Variants in POLD1 observed in about 807,000 individuals in gnomAD.
The protein encoded by POLD1 is DNA polymerase delta 1, catalytic subunit, also known as DNA polymerase delta catalytic subunit.
In POLD1, 79 loss-of-function variants were observed where a neutral mutation model predicts 129.7. The ratio of observed to expected loss-of-function variants is 0.61; its 90% CI spans 0.51 to 0.73. POLD1 has a LOEUF of 0.73. POLD1 is among the 30% of genes least tolerant of loss of function. The pLI, the probability that POLD1 is intolerant of heterozygous loss-of-function variation, is 0.00. For synonymous variants in POLD1, 714 were observed against 683.3 expected, an observed-to-expected ratio of 1.04 and a Z score of -0.70; for missense variants, 1,338 against 1,595.8, an observed-to-expected ratio of 0.84 and a Z score of 2.75.
intron 17 of POLD1, among the ~76,000 whole-genome samples, chr19:50,412,678 A>G (rs980951509): frequency 9.9e-5 from 15 of 151,866 alleles, no homozygotes; most frequent in Non-Finnish European, 1.9e-4. Flanking sequence ...AATCACACCC[A>G]TCTCTCCTTG....
At chr19:50,391,009 C>G (rs2123729429) in intron 1 of POLD1, among the ~76,000 whole-genome samples, 1 of 152,264 alleles carries the variant, frequency 6.6e-6, no homozygotes, top group East Asian at 1.9e-4. Context: ...ATCTCTCTTT[C>G]CTTTCCCATT....
chr19:50,402,831 A>G, intron 8 of POLD1, 90 bp downstream of exon 8: 2 of 1,506,012 alleles, frequency 1.3e-6, no homozygotes, highest in Non-Finnish European at 1.8e-6. Flanking sequence ...AATGGCAAGC[A>G]TGAAGGTGCC....
Position 50,406,656 on chromosome 19 carries a change from G to A in POLD1, c.1494+139G>A, listed in dbSNP as rs3219394. 4.4e-6 allele frequency: 3 copies of A among 687,828 alleles called. No homozygotes were observed. Among genetic ancestry groups the A allele is most frequent in the East Asian group, 5.4e-5 (2 of 36,810 alleles). The allele number at this position is 687,828 out of a possible 1,614,324, so 42.6% of individuals were successfully genotyped here. On this transcript the variant is annotated intron_variant, in intron 12 of 26. Coordinates refer to ENST00000440232, the MANE Select transcript of POLD1 (RefSeq NM_002691.4). The surrounding 1 kb of genome is among the most constrained non-coding windows in gnomAD (Gnocchi z 5.5). ...GTTATGACCTGTGACCTTACCTGAC[G>A]CCCACTTTTTCCTGACCTCTGACCC... is the stretch of plus-strand genomic sequence containing the variant.
rs3218768 is a variant in POLD1, at chr19:50,398,884, C to T, written c.33C>T (p.Pro11=). 1.2e-3 allele frequency: 1,851 copies of T among 1,607,326 alleles called. 40 individuals carry two copies. The East Asian group carries it at 0.037, about 32-fold the overall frequency. Residue 11 remains proline, a synonymous_variant, in exon 2 of 27, where the codon CCC becomes CCT. Transcript: ENST00000440232. ...GCAAGCGGCGGCCAGGCCCAGGGCCCGGGGTGCCCCCAAAGCGGGCCCGTG... is the reference window on the plus strand; with the variant it reads ...GCAAGCGGCGGCCAGGCCCAGGGCCTGGGGTGCCCCCAAAGCGGGCCCGTG... MDGKRRPGPG[P]GVPPKRARGG...
At chr19:50,408,706 G>A in intron 14 of POLD1, 79 bp from the exon 15 acceptor site, 1 of 1,554,944 alleles carries the variant, frequency 6.4e-7, no homozygotes, top group African/African-American at 1.4e-5. Context: ...TTTTTTTAAA[G>A]GGTGAGGCCA....
intron 2 of POLD1, 41 bp downstream of exon 2, chr19:50,399,094 G>C: frequency 6.5e-7 from 1 of 1,550,306 alleles, no homozygotes; most frequent in Non-Finnish European, 8.7e-7. Context: ...CCAACCCATT[G>C]CCCCTGGTCT....
rs55762583 is a variant in POLD1, at chr19:50,388,696, C to T, written c.-2+4306C>T. Among the ~76,000 whole-genome samples, 1,356 of 150,812 alleles carry T rather than the reference C, an allele frequency of 9.0e-3. 20 individuals are homozygous for T. The highest frequency in any genetic ancestry group is 0.031 in the African/African-American group (1,246 of 40,114). On this transcript the variant is annotated intron_variant, in intron 1 of 26. Transcript: ENST00000440232. ...CTAGATTCACTGGCTGTTGGCATGA[C>T]ACCTCATTTGCTTTATGCTTTATCC...
chr19:50,399,344 C>T (rs1444075635), intron 2 of POLD1, 27 bp from the exon 3 acceptor site: 1 of 1,555,348 alleles, frequency 6.4e-7, no homozygotes, highest in Admixed American at 1.7e-5. Flanking sequence ...ACTCCATGTA[C>T]TCCACTTCCT....
Position 50,401,831 on chromosome 19 carries a change from G to A in POLD1, c.370G>A (p.Val124Met), listed in dbSNP as rs2122233080. ...CCCACCATCCCGCGGCTCCGTGCCT[G>A]TGCTCCGCGCCTTCGGGGTCACCGA... The part of the protein sequence containing the change: ...GPPPSRGSVP[V>M]LRAFGVTDEG... Residue 124 changes from valine to methionine, a missense_variant, in exon 4 of 27, where the codon GTG becomes ATG. Val to Met is a conservative substitution (Grantham distance 21, BLOSUM62 1). Transcript: ENST00000440232. The A allele has an allele frequency of 6.2e-7, 1 of 1,613,824 alleles. No homozygotes were observed. Among genetic ancestry groups the A allele is most frequent in the East Asian group, 2.2e-5 (1 of 44,862 alleles).
rs1210212980 is a variant in POLD1 at position 50,403,508 on chromosome 19, A to G, written c.1153A>G (p.Ile385Val). The stretch of plus-strand genomic sequence containing the variant: ...CCACCCCCAGGCCTGGTCCACCTTC[A>G]TCCGTATCATGGACCCCGACGTGAT... ...EDLLQAWSTF[I>V]RIMDPDVITG... The change falls in exon 10 of 27, where the codon ATC (isoleucine) becomes GTC (valine). Residue 385 changes from isoleucine to valine, a missense_variant. This residue lies in a region of POLD1 where 720 missense variants were observed against 1,002.6 expected (regional missense o/e 0.72). Coordinates refer to ENST00000440232, the MANE Select transcript of POLD1 (RefSeq NM_002691.4). 6.2e-7 allele frequency: 1 copy of G among 1,613,352 alleles called. No homozygotes were observed. The highest frequency in any genetic ancestry group is 1.3e-5 in the African/African-American group (1 of 74,854).
rs1314532835 is a variant in POLD1 at position 50,398,837 on chromosome 19, A to G, written c.-1-14A>G. 4 of 1,607,302 alleles carry G rather than the reference A, an allele frequency of 2.5e-6. No individual in the cohort carries two copies. In the South Asian group the frequency reaches 4.4e-5, roughly 18 times the overall value. On this transcript the variant is annotated splice_polypyrimidine_tract_variant and intron_variant, in intron 1 of 26. Coordinates refer to ENST00000440232, the MANE Select transcript of POLD1 (RefSeq NM_002691.4). ...CCGGTCAGAACCTCCACCAAGCTCCAACTTGCCCAGCAGGATGGATGGCAA... is the reference window on the plus strand; with the variant it reads ...CCGGTCAGAACCTCCACCAAGCTCCGACTTGCCCAGCAGGATGGATGGCAA...
chr19:50,407,480 CT>C (rs1161464699), intron 14 of POLD1, 65 bp downstream of exon 14: 6 of 1,121,456 alleles, frequency 5.4e-6, no homozygotes, highest in Non-Finnish European at 7.6e-6. Flanking sequence ...GGGAGGATCA[CT>C]TGAGCTCAGG....
At chr19:50,404,567 T>C (rs2038796817) in intron 10 of POLD1, among the ~76,000 whole-genome samples, 1 of 132,816 alleles carries the variant, frequency 7.5e-6, no homozygotes, top group African/African-American at 3.1e-5. Context: ...CAACCCCTTT[T>C]CTCTTTCTTT....
intron 1 of POLD1, among the ~76,000 whole-genome samples, chr19:50,389,714 AT>A (rs1444985600): frequency 4.1e-5 from 6 of 147,700 alleles, no homozygotes; most frequent in Non-Finnish European, 9.0e-5. Context: ...AGCCTCCCGA[AT>A]AGCTGGAATT....
chr19:50,407,513 A>G, intron 14 of POLD1, 98 bp downstream of exon 14: 1 of 592,444 alleles, frequency 1.7e-6, no homozygotes, highest in Non-Finnish European at 2.8e-6. Context: ...AGCCAGGGCA[A>G]CATAGCGAGG....
In POLD1 at chr19:50,413,804, G is replaced by A. The variant is rs1039275305; in HGVS notation, c.2313G>A (p.Ala771=). Residue 771 remains alanine, a synonymous_variant, in exon 19 of 27, where the codon GCG becomes GCA. Transcript: ENST00000440232. ...CRFGVSSVAE[A]MALGREAADW... ...TCGGCGTGTCCTCGGTGGCTGAGGC[G>A]ATGGCCCTGGGGCGGGAGGCCGCGG... 9 of 1,612,606 alleles carry A rather than the reference G, an allele frequency of 5.6e-6. No individual in the cohort carries two copies. Among genetic ancestry groups the A allele is most frequent in the Middle Eastern group, 1.7e-4 (1 of 6,052 alleles).
In POLD1 at chr19:50,404,609, CGCT is replaced by C. The variant is rs1299460008; in HGVS notation, c.1242+1014_1242+1016del. Among the ~76,000 whole-genome samples, 7 of 119,104 alleles carry C rather than the reference CGCT, an allele frequency of 5.9e-5. No individual in the cohort carries two copies. The Admixed American group carries it at 6.8e-4, about 12-fold the overall frequency. 78.1% of individuals were successfully genotyped at this position (119,104 alleles called of 152,430 possible). The stretch of plus-strand genomic sequence containing the variant: ...TTTTTTTTTTTTTGAGACAGAGTCT[CGCT>C]GTGTCGCCCAGGCTGGAGTGCGATG... On this transcript the variant is annotated intron_variant, in intron 10 of 26. Transcript: ENST00000440232.
chr19:50,407,198 G>A lies in POLD1; in HGVS notation c.1686+24G>A, dbSNP rs778696714. ...AGGTCAGTAGCCGAGACTTGTCCTC[G>A]CCACCCCCCACCAGGCACGTCTGTG... On this transcript the variant is annotated intron_variant, in intron 13 of 26. Coordinates refer to ENST00000440232, the MANE Select transcript of POLD1 (RefSeq NM_002691.4). 20 of 1,585,082 alleles carry A rather than the reference G, an allele frequency of 1.3e-5. 1 individual carries two copies. The highest frequency in any genetic ancestry group is 4.0e-5 in the African/African-American group (3 of 74,302).
At chr19:50,398,438 G>A (rs1432412283) in intron 1 of POLD1, among the ~76,000 whole-genome samples, 1 of 151,938 alleles carries the variant, frequency 6.6e-6, no homozygotes, top group Non-Finnish European at 1.5e-5. Flanking sequence ...TGGGTGTGGT[G>A]GTGGGCGCCT....
Sources: allele counts gnomAD v4.1 joint callset (sites outside exome capture counted in the v4.1 genomes callset), GRCh38; gene constraint gnomAD v4.1.1; regional missense constraint gnomAD v4.1.1; non-coding constraint Gnocchi (gnomAD v3.1); transcripts MANE v1.5; gene names NCBI Gene and HGNC (gene_info 2026-07-23, HGNC 2026-07-21).